TENM1: variants seen among roughly 807,000 people sequenced by gnomAD.
TENM1 encodes the protein teneurin transmembrane protein 1, also known as teneurin-1.
Under a neutral mutation model 174.8 loss-of-function variants are expected in TENM1, and 35 were observed. The ratio of observed to expected loss-of-function variants is 0.20; its 90% CI spans 0.15 to 0.27. The LOEUF is 0.27. TENM1 is among the 10% of genes least tolerant of loss of function. TENM1 has a pLI of 1.00. For missense variants in TENM1, 1,633 were observed against 2,130.1 expected, an observed-to-expected ratio of 0.77 and a Z score of 4.59; for synonymous variants, 781 against 798.7, an observed-to-expected ratio of 0.98 and a Z score of 0.37.
At chrX:124,956,290 T>C (rs1018325734) in intron 1 of TENM1, among the ~76,000 whole-genome samples, 2 of 112,324 alleles carry the variant, frequency 1.8e-5, no homozygotes, top group African/African-American at 6.5e-5. Context: ...CAAAGATTGC[T>C]TCTTACTCAC....
rs1569533497 is a variant in TENM1 at position 124,471,428 on chromosome X, A to AG, written c.3949+10303_3949+10304insC. ...ATTATAATATATAGTAATATATTATATATTATATAATATATAGTACTATAT... is the reference window on the plus strand; with the variant it reads ...ATTATAATATATAGTAATATATTATAGTATTATATAATATATAGTACTATAT... On this transcript the variant is annotated intron_variant, in intron 22 of 31. Coordinates refer to ENST00000422452, the Ensembl canonical transcript of TENM1. 8.5e-5 allele frequency among the ~76,000 whole-genome samples: 5 copies of AG among 58,772 alleles called. 1 individual carries two copies. Among genetic ancestry groups the AG allele is most frequent in the Non-Finnish European group, 1.4e-4 (5 of 36,149 alleles). 51.0% of individuals were successfully genotyped at this position (58,772 alleles called of 115,157 possible).
rs1322377971 is a variant in TENM1, at chrX:124,460,217, C to G, written c.3950-6726G>C. 4.5e-5 allele frequency among the ~76,000 whole-genome samples: 5 copies of G among 111,606 alleles called. No individual in the cohort carries two copies. In the South Asian group the frequency reaches 1.9e-3, roughly 42 times the overall value. On this transcript the variant is annotated intron_variant, in intron 22 of 31. Coordinates refer to ENST00000422452, the Ensembl canonical transcript of TENM1. Reference sequence around the variant, plus strand: ...CAGAAATACCATTGGACCCAGCAGTCCCCTTACTGGGTATATACTCAAAGG... The same window carrying G: ...CAGAAATACCATTGGACCCAGCAGTGCCCTTACTGGGTATATACTCAAAGG...
chrX:124,523,740 C>A (rs1302323453), intron 16 of TENM1, 115 bp from the exon 20 acceptor site: 5 of 697,834 alleles, frequency 7.2e-6, no homozygotes, highest in Non-Finnish European at 8.3e-6. Flanking sequence ...ACTATATCCA[C>A]TTGTATTGTC....
the TENM1 span, among the ~76,000 whole-genome samples, chrX:124,981,265 A>G: frequency 8.9e-6 from 1 of 111,752 alleles, no homozygotes; most frequent in Non-Finnish European, 1.9e-5. Flanking sequence ...TATTACTCCT[A>G]TTCTGGCACT....
At chrX:125,086,862 G>T in the TENM1 span, among the ~76,000 whole-genome samples, 1 of 111,221 alleles carries the variant, frequency 9.0e-6, no homozygotes, top group Middle Eastern at 4.2e-3. Flanking sequence ...AGATGGGAGA[G>T]AAACCATTTA....
At chrX:125,123,196 A>G in the TENM1 span, among the ~76,000 whole-genome samples, 4 of 111,589 alleles carry the variant, frequency 3.6e-5, no homozygotes, top group Admixed American at 3.9e-4. Flanking sequence ...GTCCTTACAC[A>G]TAGCAACAGA....
At chrX:125,199,028 A>G in the TENM1 span, among the ~76,000 whole-genome samples, 4 of 111,800 alleles carry the variant, frequency 3.6e-5, no homozygotes, top group Non-Finnish European at 7.5e-5. Flanking sequence ...TAGATTCACG[A>G]TGGCATTTAG....
intron 11 of TENM1, among the ~76,000 whole-genome samples, chrX:124,606,441 C>T (rs2050158921): frequency 9.0e-6 from 1 of 111,431 alleles, no homozygotes; most frequent in East Asian, 2.8e-4. Flanking sequence ...AGATTCTAGT[C>T]CTCATTTTGC....
chrX:124,818,136 C>T (rs1471021580), intron 3 of TENM1, among the ~76,000 whole-genome samples: 1 of 111,149 alleles, frequency 9.0e-6, no homozygotes, highest in Non-Finnish European at 1.9e-5. Flanking sequence ...TAGTATACTT[C>T]ATTTCCTGAA....
intron 3 of TENM1, among the ~76,000 whole-genome samples, chrX:124,821,009 G>A (rs1011878008): frequency 1.8e-5 from 2 of 112,436 alleles, no homozygotes; most frequent in Admixed American, 1.9e-4. Context: ...CAAGATCTGG[G>A]ACAGAGCAGT....
intron 3 of TENM1, among the ~76,000 whole-genome samples, chrX:124,841,102 A>G (rs753206675): frequency 8.9e-6 from 1 of 111,824 alleles, no homozygotes; most frequent in African/African-American, 3.2e-5. Context: ...GAGGGCTCAG[A>G]AGAGTAAAAC....
At position 124,963,115 on chromosome X, in the gene TENM1, C is replaced by T. The variant is rs144093174; in HGVS notation, c.217+422G>A. Among the ~76,000 whole-genome samples, 42 of 112,358 alleles carry T rather than the reference C, an allele frequency of 3.7e-4. 1 individual carries two copies. In the East Asian group the frequency reaches 0.01, roughly 27 times the overall value. ...AATGTTTCTACATTACGGTGATAGA[C>T]TTTCTGGAACCCTGTTTGGTGGTCT... On this transcript the variant is annotated intron_variant, in intron 1 of 31. Transcript: ENST00000422452.
At chrX:124,583,668 G>A (rs1454245473) in intron 11 of TENM1, among the ~76,000 whole-genome samples, 9 of 112,183 alleles carry the variant, frequency 8.0e-5, no homozygotes, top group South Asian at 3.8e-4. Context: ...CACCAGCAAC[G>A]GAACAAAGCT....
intron 6 of TENM1, among the ~76,000 whole-genome samples, chrX:124,661,141 G>A (rs1007622303): frequency 2.7e-5 from 3 of 111,611 alleles, no homozygotes; most frequent in African/African-American, 9.8e-5. Context: ...TAGATTAGTG[G>A]TTGCCAGGGG....
chrX:124,654,221 C>G (rs992820385), intron 6 of TENM1, among the ~76,000 whole-genome samples: 3 of 112,430 alleles, frequency 2.7e-5, no homozygotes, highest in African/African-American at 9.7e-5. Context: ...GAGGATACTC[C>G]TCATCTCTAG....
At chrX:124,841,065 A>G (rs1324989777) in intron 3 of TENM1, among the ~76,000 whole-genome samples, 2 of 111,843 alleles carry the variant, frequency 1.8e-5, no homozygotes, top group Admixed American at 1.9e-4. Flanking sequence ...TTCTATGCCT[A>G]AAATTACCTT....
At chrX:124,865,815 G>T (rs921392567) in intron 3 of TENM1, among the ~76,000 whole-genome samples, 2 of 111,227 alleles carry the variant, frequency 1.8e-5, no homozygotes, top group Non-Finnish European at 3.8e-5. Context: ...AATGGAAAAA[G>T]ATATTACATG....
chrX:124,507,323 C>G (rs774495235), intron 18 of TENM1, among the ~76,000 whole-genome samples: 1 of 111,138 alleles, frequency 9.0e-6, no homozygotes, highest in East Asian at 2.8e-4. Context: ...GATCACCTCC[C>G]TTGTGACTCT....
At chrX:124,843,060 T>C (rs1395404514) in intron 3 of TENM1, among the ~76,000 whole-genome samples, 2 of 111,242 alleles carry the variant, frequency 1.8e-5, no homozygotes, top group Admixed American at 1.9e-4. Context: ...CCCGCAGTGA[T>C]GAACGCCTTA....
Sources: allele counts gnomAD v4.1 joint callset (sites outside exome capture counted in the v4.1 genomes callset), GRCh38; gene constraint gnomAD v4.1.1; transcripts MANE v1.5; gene names NCBI Gene and HGNC (gene_info 2026-07-23, HGNC 2026-07-21).